Variants in ITPK1 observed in about 807,000 individuals in gnomAD.
The protein encoded by ITPK1 is inositol 1,3,4-trisphosphate 5/6-kinase.
ITPK1 carries 21 observed loss-of-function variants against 45.3 expected under a neutral mutation model. That is an observed-to-expected ratio of 0.46 (90% CI 0.33 to 0.67). The LOEUF is 0.67. Ranked by LOEUF, ITPK1 falls within the 30% of genes least tolerant of loss-of-function variation. The pLI is 0.02. For synonymous variants in ITPK1, 258 were observed against 253.6 expected (o/e 1.02, Z -0.16); for missense variants, 474 against 573.5 (o/e 0.83, Z 1.77).
At chr14:93,081,199 C>T (rs1891421466) in intron 2 of ITPK1, among the ~76,000 whole-genome samples, 1 of 151,536 alleles carries the variant, frequency 6.6e-6, no homozygotes, top group Non-Finnish European at 1.5e-5. Flanking sequence ...CTGGGCATAA[C>T]AGCAGGTGCC....
At chr14:93,042,289 T>C (rs1889591731) in intron 3 of ITPK1, among the ~76,000 whole-genome samples, 1 of 152,210 alleles carries the variant, frequency 6.6e-6, no homozygotes, top group Non-Finnish European at 1.5e-5. Context: ...CAGTGAATGA[T>C]AGCCATATGT....
chr14:93,077,959 G>T (rs1276044203), intron 2 of ITPK1, among the ~76,000 whole-genome samples: 1 of 152,186 alleles, frequency 6.6e-6, no homozygotes, highest in Admixed American at 6.5e-5. Context: ...CTGCAGCCAG[G>T]CAAGGTCAGG....
rs543759727 is a variant in ITPK1 at position 92,945,601 on chromosome 14, C to T, written c.901+730G>A. Among the ~76,000 whole-genome samples the T allele has an allele frequency of 1.5e-3, 222 of 152,294 alleles. 1 individual carries two copies. The highest frequency in any genetic ancestry group is 3.4e-3 in the Middle Eastern group (1 of 294). On this transcript the variant is annotated intron_variant, in intron 10 of 10. Transcript: ENST00000267615. ...GCGCGGCTCTGTCTCTGAGCTGCTG[C>T]GGGAGGTAAACAAGCCACTGAGCCT...
At chr14:93,109,367 G>C (rs1399704526) in intron 2 of ITPK1, among the ~76,000 whole-genome samples, 2 of 152,180 alleles carry the variant, frequency 1.3e-5, no homozygotes, top group Non-Finnish European at 1.5e-5. Flanking sequence ...GAGACAGACT[G>C]CCCCAGGGAA....
At chr14:93,105,175 G>A (rs1293797418) in intron 2 of ITPK1, among the ~76,000 whole-genome samples, 1 of 152,166 alleles carries the variant, frequency 6.6e-6, no homozygotes, top group Non-Finnish European at 1.5e-5. Context: ...GAGGCCTCAG[G>A]TGAACGGTGC....
At position 92,939,824 on chromosome 14, in the gene ITPK1, A is replaced by C. The variant is rs1235994429; in HGVS notation, c.*1737T>G. The C allele has an allele frequency of 1.0e-6, 1 of 985,722 alleles. No individual in the cohort carries two copies. The allele number at this position is 985,722 out of a possible 1,614,324, so 61.1% of individuals were successfully genotyped here. ...GTCTTTTAAGGACTGGGAGTATGAC[A>C]TAACAAACTTGAGCAACATGTGTAA... On this transcript the variant is annotated 3_prime_UTR_variant, in exon 11 of 11. Transcript: ENST00000267615.
At chr14:93,020,972 A>G (rs1888433048) in intron 3 of ITPK1, among the ~76,000 whole-genome samples, 1 of 152,088 alleles carries the variant, frequency 6.6e-6, no homozygotes, top group South Asian at 2.1e-4. Context: ...ATAACATGTC[A>G]CAGTCTCACA....
intron 3 of ITPK1, among the ~76,000 whole-genome samples, chr14:93,018,890 A>G (rs1460408522): frequency 6.6e-6 from 1 of 152,210 alleles, no homozygotes; most frequent in Non-Finnish European, 1.5e-5. Context: ...GTCAGTCTCC[A>G]TGAGCAGCCC....
Position 93,103,580 on chromosome 14 carries a change from G to T in ITPK1, c.95+11489C>A, listed in dbSNP as rs76556972. ...CCAGGAGACTGTGGTGCTCACTGCT[G>T]TATCAATCCCCAGAACCCAGGAGTG... On this transcript the variant is annotated intron_variant, in intron 2 of 10. Coordinates refer to ENST00000267615, the MANE Select transcript of ITPK1 (RefSeq NM_014216.6). Among the ~76,000 whole-genome samples, 1,514 of 152,256 alleles carry T rather than the reference G, an allele frequency of 9.9e-3. 24 individuals are homozygous for T. Among genetic ancestry groups the T allele is most frequent in the African/African-American group, 0.035 (1,442 of 41,546 alleles).
chr14:93,043,281 ACC>A (rs1889639005), intron 3 of ITPK1, among the ~76,000 whole-genome samples: 1 of 151,304 alleles, frequency 6.6e-6, no homozygotes, highest in South Asian at 2.1e-4. Context: ...ATTGAAATCC[ACC>A]CCAGTTTATG....
At chr14:93,028,749 T>A (rs781327093) in intron 3 of ITPK1, among the ~76,000 whole-genome samples, 3 of 152,204 alleles carry the variant, frequency 2.0e-5, no homozygotes, top group Non-Finnish European at 2.9e-5. Flanking sequence ...ATCTCCCACC[T>A]CTAACGCCAA....
In ITPK1 at chr14:93,115,182, A is replaced by C; in HGVS notation, c.-19T>G. 1 of 1,575,572 alleles carries C rather than the reference A, an allele frequency of 6.3e-7. No homozygotes were observed. The highest frequency in any genetic ancestry group is 8.7e-7 in the Non-Finnish European group (1 of 1,152,290). On this transcript the variant is annotated 5_prime_UTR_variant, in exon 2 of 11. Transcript: ENST00000267615. ...TCTGCATCTTCCTCCTCGGGCGGGG[A>C]GCCTGGGTCCGGAGGAAATCGCCCA... is the stretch of plus-strand genomic sequence containing the variant.
Position 93,077,446 on chromosome 14 carries a change from T to C in ITPK1, c.96-827A>G, listed in dbSNP as rs183029121. 4.2e-3 allele frequency among the ~76,000 whole-genome samples: 644 copies of C among 152,180 alleles called. 1 individual carries two copies. The highest frequency in any genetic ancestry group is 5.8e-3 in the Non-Finnish European group (395 of 67,996). ...GATTCTCCTGCCTCAGCCTCCCAAG[T>C]AGCTGGGACTACAGGCACCCACCAC... On this transcript the variant is annotated intron_variant, in intron 2 of 10. Coordinates refer to ENST00000267615, the MANE Select transcript of ITPK1 (RefSeq NM_014216.6).
intron 3 of ITPK1, among the ~76,000 whole-genome samples, chr14:93,047,378 T>A (rs931405308): frequency 6.6e-6 from 1 of 152,238 alleles, no homozygotes; most frequent in Non-Finnish European, 1.5e-5. Flanking sequence ...CTCTGGTACC[T>A]ATGAACATGA....
intron 3 of ITPK1, among the ~76,000 whole-genome samples, chr14:93,039,320 C>T (rs1016664881): frequency 6.6e-6 from 1 of 152,180 alleles, no homozygotes; most frequent in African/African-American, 2.4e-5. Flanking sequence ...AGCTACTCAA[C>T]CTTCTCTCAA....
At chr14:93,009,404 T>G (rs1209299961) in intron 4 of ITPK1, among the ~76,000 whole-genome samples, 1 of 152,210 alleles carries the variant, frequency 6.6e-6, no homozygotes, top group Non-Finnish European at 1.5e-5. Context: ...TGCCCTCTCC[T>G]GCCCCTGTCC....
At chr14:93,002,336 T>C (rs769139325) in intron 4 of ITPK1, among the ~76,000 whole-genome samples, 6 of 152,192 alleles carry the variant, frequency 3.9e-5, no homozygotes, top group African/African-American at 1.4e-4. Flanking sequence ...TGAGACCCTG[T>C]CTCAAAATAA....
At position 93,016,705 on chromosome 14, in the gene ITPK1, G is replaced by A; in HGVS notation, c.217C>T (p.Gln73Ter). Residue 73 changes from glutamine to a stop codon, truncating the protein, a stop_gained, in exon 4 of 11, where the codon CAG (glutamine) becomes TAG (stop). Transcript: ENST00000267615. LOFTEE classifies it high-confidence loss of function. The surrounding 1 kb of genome is among the most constrained non-coding windows in gnomAD (Gnocchi z 5.0). ...VILEADQNDSQSLELVHRFQE... is the reference protein window; with the variant it reads ...VILEADQNDS ...AACCTGTGCACCAGCTCCAGGGACT[G>A]GCTATCATTCTGGTCGGCTTCAAGG... 3 of 1,614,146 alleles carry A rather than the reference G, an allele frequency of 1.9e-6. No individual in the cohort carries two copies. The highest frequency in any genetic ancestry group is 2.5e-6 in the Non-Finnish European group (3 of 1,180,014).
intron 3 of ITPK1, among the ~76,000 whole-genome samples, chr14:93,060,885 A>G (rs1333912346): frequency 6.6e-6 from 1 of 152,196 alleles, no homozygotes; most frequent in Non-Finnish European, 1.5e-5. Flanking sequence ...CATCTCACAG[A>G]GCTATTATGA....
Sources: allele counts gnomAD v4.1 joint callset (sites outside exome capture counted in the v4.1 genomes callset), GRCh38; gene constraint gnomAD v4.1.1; non-coding constraint Gnocchi (gnomAD v3.1); transcripts MANE v1.5; gene names NCBI Gene and HGNC (gene_info 2026-07-23, HGNC 2026-07-21).